The following ANGPT1 variants were observed in gnomAD, a reference collection of about 807,000 sequenced individuals.
The protein encoded by ANGPT1 is angiopoietin-1.
ANGPT1 carries 17 observed loss-of-function variants against 62.2 expected under a neutral mutation model. That is an observed-to-expected ratio of 0.27 (90% CI 0.19 to 0.41). The LOEUF is 0.41. ANGPT1 is among the 10% of genes least tolerant of loss of function. The pLI is 1.00. For missense variants in ANGPT1, 478 were observed against 594.9 expected (o/e 0.80, Z 2.04); for synonymous variants, 199 against 198.9 (o/e 1.00, Z 0.00).
At chr8:107,396,885 G>C (rs1816947954) in intron 1 of ANGPT1, among the ~76,000 whole-genome samples, 1 of 151,836 alleles carries the variant, frequency 6.6e-6, no homozygotes, top group Admixed American at 6.6e-5. Flanking sequence ...ACTATTTTAT[G>C]AGATTGACTA....
At chr8:107,292,871 A>G (rs902072397) in intron 6 of ANGPT1, among the ~76,000 whole-genome samples, 1 of 152,192 alleles carries the variant, frequency 6.6e-6, no homozygotes, top group Non-Finnish European at 1.5e-5. Context: ...AGGCTAGTAT[A>G]GCATTTCTTT....
chr8:107,269,787 A>G (rs1813697062), intron 7 of ANGPT1, among the ~76,000 whole-genome samples: 1 of 152,006 alleles, frequency 6.6e-6, no homozygotes, highest in South Asian at 2.1e-4. Flanking sequence ...GAATTATGGC[A>G]TTTATTCTCA....
At chr8:107,474,156 A>T (rs906925634) in intron 1 of ANGPT1, among the ~76,000 whole-genome samples, 6 of 152,144 alleles carry the variant, frequency 3.9e-5, no homozygotes, top group African/African-American at 7.2e-5. Flanking sequence ...TTAGATGAAT[A>T]TCCCTGAAGA....
intron 1 of ANGPT1, among the ~76,000 whole-genome samples, chr8:107,386,368 G>A (rs1816732015): frequency 6.6e-6 from 1 of 152,008 alleles, no homozygotes; most frequent in Non-Finnish European, 1.5e-5. Flanking sequence ...TAACAAACCT[G>A]CATGTTGTAC....
chr8:107,322,167 T>C (rs367573770), intron 3 of ANGPT1, 39 bp from the exon 4 acceptor site: 328 of 1,464,402 alleles, frequency 2.2e-4, no homozygotes, highest in Non-Finnish European at 3.0e-4. Flanking sequence ...TTTGAAAAAA[T>C]GTTATACAAA....
At chr8:107,379,965 A>G (rs1291802960) in intron 1 of ANGPT1, among the ~76,000 whole-genome samples, 2 of 152,162 alleles carry the variant, frequency 1.3e-5, no homozygotes, top group African/African-American at 4.8e-5. Flanking sequence ...GATACTGGTA[A>G]AAAATGATGA....
chr8:107,382,743 C>T (rs932777652), intron 1 of ANGPT1, among the ~76,000 whole-genome samples: 9 of 152,050 alleles, frequency 5.9e-5, no homozygotes, highest in Non-Finnish European at 5.9e-5. Context: ...ACCCAAACCC[C>T]GAAAGTTTTG....
chr8:107,446,530 A>G (rs967179883), intron 1 of ANGPT1, among the ~76,000 whole-genome samples: 1 of 152,204 alleles, frequency 6.6e-6, no homozygotes, highest in Non-Finnish European at 1.5e-5. Context: ...AATTTGGCCT[A>G]TAAAGATAAA....
intron 4 of ANGPT1, among the ~76,000 whole-genome samples, chr8:107,318,990 C>T (rs1196178432): frequency 2.0e-5 from 3 of 152,160 alleles, no homozygotes; most frequent in Non-Finnish European, 4.4e-5. Flanking sequence ...TGACTGTCAA[C>T]ACTCAAACAC....
In ANGPT1 at chr8:107,377,543, CT is replaced by C. The variant is rs576047405; in HGVS notation, c.298-30447del. Among the ~76,000 whole-genome samples the C allele has an allele frequency of 4.3e-4, 65 of 152,262 alleles. No individual in the cohort carries two copies. In the South Asian group the frequency reaches 0.013, roughly 31 times the overall value. On this transcript the variant is annotated intron_variant, in intron 1 of 8. Transcript: ENST00000517746. ...AAGGAGAAATGTACAGATTGCTACTCTTTGGGACTATTTTAAAGTATTTTGA... is the reference window on the plus strand; with the variant it reads ...AAGGAGAAATGTACAGATTGCTACTCTTGGGACTATTTTAAAGTATTTTGA...
intron 2 of ANGPT1, among the ~76,000 whole-genome samples, chr8:107,338,741 G>C (rs1294297232): frequency 6.6e-6 from 1 of 152,176 alleles, no homozygotes; most frequent in African/African-American, 2.4e-5. Flanking sequence ...AGATGCACAA[G>C]ATATAACTTT....
chr8:107,389,091 C>A (rs995547259), intron 1 of ANGPT1, among the ~76,000 whole-genome samples: 1 of 152,014 alleles, frequency 6.6e-6, no homozygotes, highest in African/African-American at 2.4e-5. Flanking sequence ...GCCATGATGA[C>A]CCAGTACTAA....
chr8:107,319,953 T>C (rs1586219976), intron 4 of ANGPT1, among the ~76,000 whole-genome samples: 1 of 152,142 alleles, frequency 6.6e-6, no homozygotes. Flanking sequence ...TAAATTAAGA[T>C]GGCAAATCCT....
At chr8:107,430,383 A>G (rs1234393657) in intron 1 of ANGPT1, among the ~76,000 whole-genome samples, 1 of 152,190 alleles carries the variant, frequency 6.6e-6, no homozygotes, top group Admixed American at 6.5e-5. Context: ...ACATTTTACT[A>G]TCACTTTTGG....
chr8:107,280,186 GTTAC>G (rs1586182988), intron 7 of ANGPT1, among the ~76,000 whole-genome samples: 1 of 151,870 alleles, frequency 6.6e-6, no homozygotes, highest in African/African-American at 2.4e-5. Context: ...CTTGGGTGAT[GTTAC>G]TTTCTTTCTT....
intron 2 of ANGPT1, among the ~76,000 whole-genome samples, chr8:107,344,847 A>G (rs1435170209): frequency 1.3e-5 from 2 of 152,196 alleles, no homozygotes; most frequent in Admixed American, 1.3e-4. Flanking sequence ...TTATAAATGA[A>G]TAGAGTGTAT....
chr8:107,398,706 T>C (rs895239978), intron 1 of ANGPT1, among the ~76,000 whole-genome samples: 3 of 152,160 alleles, frequency 2.0e-5, no homozygotes, highest in Non-Finnish European at 4.4e-5. Flanking sequence ...AATACATTCA[T>C]GTGCTATTAC....
intron 1 of ANGPT1, among the ~76,000 whole-genome samples, chr8:107,355,059 G>A (rs893438158): frequency 5.1e-5 from 7 of 137,386 alleles, no homozygotes; most frequent in Non-Finnish European, 1.0e-4. Flanking sequence ...ATGCCACCAC[G>A]CCTAGCTAAT....
intron 3 of ANGPT1, among the ~76,000 whole-genome samples, chr8:107,333,011 G>A (rs1051435604): frequency 1.3e-5 from 2 of 152,118 alleles, no homozygotes; most frequent in Admixed American, 1.3e-4. Context: ...TAAATAGGAG[G>A]AGCACATTTC....
Sources: allele counts gnomAD v4.1 joint callset (sites outside exome capture counted in the v4.1 genomes callset), GRCh38; gene constraint gnomAD v4.1.1; transcripts MANE v1.5; gene names NCBI Gene and HGNC (gene_info 2026-07-23, HGNC 2026-07-21).